ZSCAN25: variants seen among roughly 807,000 people sequenced by gnomAD.
ZSCAN25 encodes the protein zinc finger and SCAN domain-containing protein 25.
Under a neutral mutation model 38.7 loss-of-function variants are expected in ZSCAN25, and 27 were observed. The observed-to-expected ratio is 0.70, with a 90% CI of 0.51 to 0.96. ZSCAN25 has a LOEUF of 0.96. Ranked by LOEUF, ZSCAN25 falls within the 40% of genes least tolerant of loss-of-function variation. ZSCAN25 has a pLI of 0.00. For missense variants in ZSCAN25, 637 were observed against 705.9 expected, an observed-to-expected ratio of 0.90 and a Z score of 1.11; for synonymous variants, 273 against 277.7, an observed-to-expected ratio of 0.98 and a Z score of 0.17.
chr7:99,640,303 C>T, the ZSCAN25 span, among the ~76,000 whole-genome samples: 5 of 152,138 alleles, frequency 3.3e-5, no homozygotes, highest in Non-Finnish European at 4.4e-5. Context: ...GGATTACAGG[C>T]GCCTGCCGTA....
chr7:99,726,951 C>T, the ZSCAN25 span, among the ~76,000 whole-genome samples: 2 of 152,328 alleles, frequency 1.3e-5, no homozygotes, highest in East Asian at 3.9e-4. Flanking sequence ...TACAAAACAA[C>T]TCCTTTCCTT....
the ZSCAN25 span, among the ~76,000 whole-genome samples, chr7:99,678,356 T>G: frequency 1.3e-5 from 2 of 152,252 alleles, no homozygotes; most frequent in African/African-American, 4.8e-5. Flanking sequence ...TCACTTCATA[T>G]GGATCCTACC....
chr7:99,707,238 TC>T, the ZSCAN25 span, among the ~76,000 whole-genome samples: 2 of 152,202 alleles, frequency 1.3e-5, no homozygotes, highest in Non-Finnish European at 1.5e-5. Flanking sequence ...TGGTAGTCCT[TC>T]GTATCCAATA....
At chr7:99,656,968 T>A in the ZSCAN25 span, among the ~76,000 whole-genome samples, 3 of 152,226 alleles carry the variant, frequency 2.0e-5, no homozygotes, top group Non-Finnish European at 4.4e-5. Flanking sequence ...GATTCTTCTC[T>A]CTTTTCTTCT....
the ZSCAN25 span, among the ~76,000 whole-genome samples, chr7:99,719,422 C>T: frequency 6.6e-6 from 1 of 151,982 alleles, no homozygotes; most frequent in East Asian, 1.9e-4. Context: ...CAACTACAAG[C>T]CACAAAAAAT....
At chr7:99,665,334 G>T in the ZSCAN25 span, 1 of 1,613,822 alleles carries the variant, frequency 6.2e-7, no homozygotes. Context: ...GAAAGATATG[G>T]AAAATTAAAA....
At position 99,629,210 on chromosome 7, in the gene ZSCAN25, G is replaced by C. The variant is rs201962123; in HGVS notation, c.825G>C (p.Lys275Asn). The change falls in exon 8 of 8, where the codon AAG (lysine) becomes AAC (asparagine). Residue 275 changes from lysine (K) to asparagine (N), a missense_variant. Coordinates refer to ENST00000394152, the MANE Select transcript of ZSCAN25 (RefSeq NM_145115.3). The surrounding 1 kb of genome is among the most constrained non-coding windows in gnomAD (Gnocchi z 5.6). Reference sequence around the variant, plus strand: ...CTGTAGGCGGTGGGAGCAAGGAAAAGGAGGCAAAACCCCCACAGGAAGACC... The same window carrying C: ...CTGTAGGCGGTGGGAGCAAGGAAAACGAGGCAAAACCCCCACAGGAAGACC... The part of the protein sequence containing the change: ...RVSPGGGSKE[K>N]EAKPPQEDLK... 8.1e-6 allele frequency: 13 copies of C among 1,610,906 alleles called. No homozygotes were observed. The highest frequency in any genetic ancestry group is 3.4e-6 in the Non-Finnish European group (4 of 1,178,648).
the ZSCAN25 span, chr7:99,720,697 A>T: frequency 2.8e-6 from 1 of 359,142 alleles, no homozygotes; most frequent in Non-Finnish European, 5.2e-6. Flanking sequence ...ACAGGAGAGC[A>T]TTTGTTAAGC....
the ZSCAN25 span, among the ~76,000 whole-genome samples, chr7:99,700,828 G>C: frequency 6.6e-6 from 1 of 152,354 alleles, no homozygotes; most frequent in South Asian, 2.1e-4. Context: ...CTCTGAGTCT[G>C]TGGTGATAGC....
the ZSCAN25 span, chr7:99,730,711 C>T: frequency 3.9e-6 from 1 of 255,816 alleles, no homozygotes; most frequent in Non-Finnish European, 7.6e-6. Context: ...GGCTCCTGTT[C>T]CTACTTTTAA....
the ZSCAN25 span, among the ~76,000 whole-genome samples, chr7:99,682,043 A>G: frequency 6.6e-6 from 1 of 152,090 alleles, no homozygotes; most frequent in Admixed American, 6.6e-5. Context: ...ATCTCAGCTC[A>G]CTGCCACCTC....
the ZSCAN25 span, among the ~76,000 whole-genome samples, chr7:99,686,123 G>A: frequency 6.6e-6 from 1 of 152,174 alleles, no homozygotes; most frequent in Admixed American, 6.5e-5. Flanking sequence ...CTGAGGTACC[G>A]GGTTCATCTC....
At chr7:99,652,440 A>T in the ZSCAN25 span, 2 of 742,058 alleles carry the variant, frequency 2.7e-6, no homozygotes, top group Non-Finnish European at 4.3e-6. Flanking sequence ...TGATAAAAAG[A>T]CTTACAAGCA....
At chr7:99,719,947 A>C in the ZSCAN25 span, among the ~76,000 whole-genome samples, 1 of 152,224 alleles carries the variant, frequency 6.6e-6, no homozygotes, top group East Asian at 1.9e-4. Flanking sequence ...CAGTGAGCCA[A>C]GACCACACCA....
At chr7:99,625,778 G>A (rs1005546914) in intron 7 of ZSCAN25, among the ~76,000 whole-genome samples, 8 of 152,142 alleles carry the variant, frequency 5.3e-5, no homozygotes, top group African/African-American at 1.7e-4. Flanking sequence ...TGACTGTTCT[G>A]GAGACTGGTT....
At chr7:99,737,063 C>T in the ZSCAN25 span, among the ~76,000 whole-genome samples, 1 of 152,060 alleles carries the variant, frequency 6.6e-6, no homozygotes, top group Non-Finnish European at 1.5e-5. Context: ...GGTGACAATC[C>T]CCAGGAGAAG....
At chr7:99,647,150 G>A in the ZSCAN25 span, among the ~76,000 whole-genome samples, 2 of 152,120 alleles carry the variant, frequency 1.3e-5, no homozygotes, top group Non-Finnish European at 2.9e-5. Context: ...ACCTCACGTG[G>A]GTTCTCCAGG....
At chr7:99,694,314 A>T in the ZSCAN25 span, among the ~76,000 whole-genome samples, 1 of 152,080 alleles carries the variant, frequency 6.6e-6, no homozygotes, top group African/African-American at 2.4e-5. Context: ...GACATCAGGG[A>T]CCTCTTTTAG....
the ZSCAN25 span, among the ~76,000 whole-genome samples, chr7:99,666,422 C>G: frequency 2.0e-5 from 3 of 152,152 alleles, no homozygotes; most frequent in African/African-American, 7.2e-5. Flanking sequence ...GGCCCTTTTC[C>G]CTTGCTGACT....
Sources: allele counts gnomAD v4.1 joint callset (sites outside exome capture counted in the v4.1 genomes callset), GRCh38; gene constraint gnomAD v4.1.1; non-coding constraint Gnocchi (gnomAD v3.1); transcripts MANE v1.5; gene names NCBI Gene and HGNC (gene_info 2026-07-23, HGNC 2026-07-21).